The following TENM2 variants were observed in gnomAD, a reference collection of about 807,000 sequenced individuals.
TENM2 encodes teneurin transmembrane protein 2.
Under a neutral mutation model 245.2 loss-of-function variants are expected in TENM2, and 52 were observed. That is an observed-to-expected ratio of 0.21 (90% confidence interval 0.17 to 0.27). The LOEUF (loss-of-function observed/expected upper bound fraction) is 0.27. TENM2 is among the 10% of genes least tolerant of loss of function. The pLI is 1.00. For missense variants in TENM2, 3,046 were observed against 3,666.8 expected, an observed-to-expected ratio of 0.83 and a Z score of 4.37; for synonymous variants, 1,363 against 1,438.9, an observed-to-expected ratio of 0.95 and a Z score of 1.19.
At chr5:167,411,606 G>GTGTGTA (rs1340189182) in intron 2 of TENM2, among the ~76,000 whole-genome samples, 47 of 147,870 alleles carry the variant, frequency 3.2e-4, no homozygotes, top group Middle Eastern at 3.6e-3. Context: ...GTGTGTGTGT[G>GTGTGTA]TGTATGTATG....
the TENM2 span, among the ~76,000 whole-genome samples, chr5:167,187,200 G>A: frequency 6.6e-6 from 1 of 152,138 alleles, no homozygotes; most frequent in Non-Finnish European, 1.5e-5. Flanking sequence ...ATCCATTTCA[G>A]ATAATCTGTT....
At chr5:167,006,766 A>G in the TENM2 span, among the ~76,000 whole-genome samples, 1 of 151,854 alleles carries the variant, frequency 6.6e-6, no homozygotes, top group Non-Finnish European at 1.5e-5. Flanking sequence ...TCCTGGGTTC[A>G]AGTGATTCTC....
the TENM2 span, among the ~76,000 whole-genome samples, chr5:167,036,896 G>C: frequency 1.3e-5 from 2 of 151,920 alleles, no homozygotes; most frequent in African/African-American, 4.8e-5. Flanking sequence ...ACCAGTTTTT[G>C]CCTTTCCCAT....
intron 2 of TENM2, among the ~76,000 whole-genome samples, chr5:167,392,879 A>G (rs1165140033): frequency 2.0e-5 from 3 of 152,006 alleles, no homozygotes; most frequent in Non-Finnish European, 4.4e-5. Flanking sequence ...CTAGAAACAC[A>G]TTTTCCTCTC....
intron 13 of TENM2, among the ~76,000 whole-genome samples, chr5:168,164,661 T>C (rs1210743989): frequency 6.6e-6 from 1 of 152,054 alleles, no homozygotes; most frequent in Admixed American, 6.6e-5. Flanking sequence ...CTAAATGAGG[T>C]TGGGTTAGCA....
At chr5:167,640,882 T>TATATATATATGG (rs1779548581) in intron 2 of TENM2, among the ~76,000 whole-genome samples, 7 of 67,526 alleles carry the variant, frequency 1.0e-4, no homozygotes, top group African/African-American at 6.7e-4. Flanking sequence ...TATATATATA[T>TATATATATATGG]ATATATATAT....
chr5:167,741,542 A>G lies in TENM2; in HGVS notation c.503-134444A>G, dbSNP rs552856226. On this transcript the variant is annotated intron_variant, in intron 2 of 28. Coordinates refer to ENST00000518659, the Ensembl canonical transcript of TENM2. ...TTGGCTTCACACACAGTCTTCAGCT[A>G]TTACCTCTACACAAATTCCTCTCAG... Among the ~76,000 whole-genome samples the G allele has an allele frequency of 2.0e-5, 3 of 152,268 alleles. No individual in the cohort carries two copies. The South Asian group carries it at 6.2e-4, about 32-fold the overall frequency.
intron 2 of TENM2, among the ~76,000 whole-genome samples, chr5:167,674,526 A>G (rs1756179957): frequency 6.6e-6 from 1 of 152,144 alleles, no homozygotes; most frequent in Non-Finnish European, 1.5e-5. Flanking sequence ...GCAGAATTGC[A>G]GTAAAGGAAA....
At chr5:168,124,151 G>A (rs892919981) in intron 10 of TENM2, among the ~76,000 whole-genome samples, 16 of 152,204 alleles carry the variant, frequency 1.1e-4, no homozygotes, top group African/African-American at 3.4e-4. Flanking sequence ...CAGTGCCTCA[G>A]CCAGAGATAG....
At chr5:167,930,495 G>A (rs1460188086) in intron 3 of TENM2, among the ~76,000 whole-genome samples, 2 of 145,274 alleles carry the variant, frequency 1.4e-5, no homozygotes, top group Non-Finnish European at 3.0e-5. Flanking sequence ...ATTTATTAGA[G>A]ACAGGGTCTC....
chr5:167,748,662 C>T (rs987600440), intron 2 of TENM2, among the ~76,000 whole-genome samples: 1 of 149,284 alleles, frequency 6.7e-6, no homozygotes, highest in Non-Finnish European at 1.5e-5. Context: ...TTCCACATGG[C>T]TGGGAGGTCT....
intron 2 of TENM2, among the ~76,000 whole-genome samples, chr5:167,647,224 G>T (rs1312920143): frequency 6.6e-6 from 1 of 152,224 alleles, no homozygotes; most frequent in East Asian, 1.9e-4. Context: ...CAGAGGGAAG[G>T]CTGGTGGAGT....
the TENM2 span, among the ~76,000 whole-genome samples, chr5:167,178,749 A>G: frequency 2.0e-5 from 3 of 152,224 alleles, no homozygotes. Context: ...AATGATAAAA[A>G]TAAAATCAAA....
rs70976430 is a variant in TENM2, at chr5:167,458,494, C to CAAAAAAAAAAAAA, written c.502+83031_502+83043dup. Among the ~76,000 whole-genome samples the CAAAAAAAAAAAAA allele has an allele frequency of 4.9e-5, 4 of 82,010 alleles. 1 individual carries two copies. The highest frequency in any genetic ancestry group is 2.3e-5 in the Non-Finnish European group (1 of 42,952). 53.8% of individuals were successfully genotyped at this position (82,010 alleles called of 152,430 possible). On this transcript the variant is annotated intron_variant, in intron 2 of 28. Transcript: ENST00000518659. ...AAAGCAAGACTCCGTCTCAAAAAAACAAAAAAAAAAAAAAAAAAAAAAGAC... is the reference window on the plus strand; with the variant it reads ...AAAGCAAGACTCCGTCTCAAAAAAACAAAAAAAAAAAAAAAAAAAAAAAAAAAAAAAAAAAGAC...
At chr5:168,229,304 A>ATGCC (rs1458399086) in intron 25 of TENM2, among the ~76,000 whole-genome samples, 5 of 151,538 alleles carry the variant, frequency 3.3e-5, no homozygotes, top group African/African-American at 1.2e-4. Flanking sequence ...AATATGTCAC[A>ATGCC]TGCCTTCCTG....
chr5:167,196,225 A>G, the TENM2 span, among the ~76,000 whole-genome samples: 1 of 152,030 alleles, frequency 6.6e-6, no homozygotes, highest in East Asian at 1.9e-4. Context: ...ATAAACATAG[A>G]CAAAGTACAG....
the TENM2 span, among the ~76,000 whole-genome samples, chr5:167,118,011 A>G: frequency 2.0e-5 from 3 of 152,332 alleles, no homozygotes; most frequent in South Asian, 4.1e-4. Flanking sequence ...TTAAGCCTCT[A>G]TACACTTCTT....
intron 2 of TENM2, among the ~76,000 whole-genome samples, chr5:167,730,919 A>G (rs539341786): frequency 6.6e-6 from 1 of 152,192 alleles, no homozygotes; most frequent in East Asian, 1.9e-4. Context: ...AAGAGTTTCA[A>G]CATAATACTT....
At chr5:167,299,872 A>C (rs1453660199) in intron 1 of TENM2, among the ~76,000 whole-genome samples, 3 of 152,130 alleles carry the variant, frequency 2.0e-5, no homozygotes, top group Non-Finnish European at 4.4e-5. Flanking sequence ...GTACAGCTGA[A>C]GGAGCCAGGG....
Sources: gnomAD v4.1 joint callset for allele counts (sites outside exome capture counted in the v4.1 genomes callset) on GRCh38, gnomAD v4.1.1 for gene constraint, MANE v1.5 for transcripts, NCBI Gene and HGNC (gene_info 2026-07-23, HGNC 2026-07-21) for gene names.